The following FHIT variants were observed in gnomAD, a reference collection of about 807,000 sequenced individuals.
FHIT encodes fragile histidine triad diadenosine triphosphatase, also known as bis(5'-adenosyl)-triphosphatase.
In FHIT, 19 loss-of-function variants were observed where a neutral mutation model predicts 17.9. The observed-to-expected ratio is 1.06, with a 90% CI of 0.74 to 1.56. The LOEUF (loss-of-function observed/expected upper bound fraction) is 1.56, where lower values mean the gene tolerates loss of function less well. Ranked by LOEUF, FHIT falls within the 40% of genes most tolerant of loss-of-function variation. The pLI is 0.00. For synonymous variants in FHIT, 81 were observed against 69.7 expected, an observed-to-expected ratio of 1.16 and a Z score of -0.81; for missense variants, 248 against 189.2, an observed-to-expected ratio of 1.31 and a Z score of -1.82.
rs368651539 is a variant in FHIT, at chr3:60,404,683, C to A, written c.103+132177G>T. ...GTCTTTTGAATTCCCAGCCCTGCAACAGGGCTTGGTTTATAGGAACACTGA... is the reference window on the plus strand; with the variant it reads ...GTCTTTTGAATTCCCAGCCCTGCAAAAGGGCTTGGTTTATAGGAACACTGA... On this transcript the variant is annotated intron_variant, in intron 5 of 9. Transcript: ENST00000492590. Among the ~76,000 whole-genome samples, 45 of 152,264 alleles carry A rather than the reference C, an allele frequency of 3.0e-4. 1 individual carries two copies. The South Asian group carries it at 3.3e-3, about 11-fold the overall frequency.
intron 2 of FHIT, among the ~76,000 whole-genome samples, chr3:61,048,858 A>G (rs1028517857): frequency 1.3e-5 from 2 of 152,188 alleles, no homozygotes; most frequent in Non-Finnish European, 2.9e-5. Context: ...AATCATTTTC[A>G]GCAAACTATC....
intron 4 of FHIT, among the ~76,000 whole-genome samples, chr3:60,740,374 TA>T (rs1559685005): frequency 2.0e-5 from 3 of 152,176 alleles, no homozygotes; most frequent in Non-Finnish European, 4.4e-5. Flanking sequence ...GAAAAGGAGA[TA>T]ATCAATGTAC....
intron 8 of FHIT, among the ~76,000 whole-genome samples, chr3:59,784,231 A>G (rs945863831): frequency 3.3e-5 from 5 of 152,126 alleles, no homozygotes; most frequent in East Asian, 1.9e-4. Context: ...CCCTGCAGCC[A>G]TTCTTCTAGG....
At chr3:60,358,305 G>C (rs1365296205) in intron 5 of FHIT, among the ~76,000 whole-genome samples, 1 of 152,162 alleles carries the variant, frequency 6.6e-6, no homozygotes, top group African/African-American at 2.4e-5. Flanking sequence ...TGATACTAGA[G>C]ATGTATTTGG....
Position 60,684,404 on chromosome 3 carries a change from T to G in FHIT, c.-18+137515A>C, listed in dbSNP as rs567325824. Among the ~76,000 whole-genome samples the G allele has an allele frequency of 1.8e-4, 27 of 152,280 alleles. No homozygotes were observed. In the South Asian group the frequency reaches 4.6e-3, roughly 26 times the overall value. Reference sequence around the variant, plus strand: ...TACGTTTGCAGAGCCAATATTCAACTTGGCACACTCACCGAAGGCCACATA... The same window carrying G: ...TACGTTTGCAGAGCCAATATTCAACGTGGCACACTCACCGAAGGCCACATA... On this transcript the variant is annotated intron_variant, in intron 4 of 9. Transcript: ENST00000492590.
intron 3 of FHIT, among the ~76,000 whole-genome samples, chr3:60,826,294 TTTTTGTTTTGTTTTG>T (rs142138204): frequency 0.88 from 131,747 of 149,272 alleles, 58,761 homozygotes; most frequent in East Asian, 0.98. Context: ...GAGGTTAGTT[TTTTTGTTTTGTTTTG>T]TTTTGTTTTG....
intron 1 of FHIT, among the ~76,000 whole-genome samples, chr3:61,239,119 G>C (rs2040304475): frequency 6.6e-6 from 1 of 152,154 alleles, no homozygotes; most frequent in African/African-American, 2.4e-5. Context: ...GAAAAAAAAA[G>C]TCTAGAAGTA....
chr3:59,759,003 A>G (rs1701364923), intron 8 of FHIT, among the ~76,000 whole-genome samples: 1 of 152,090 alleles, frequency 6.6e-6, no homozygotes, highest in African/African-American at 2.4e-5. Context: ...AAAAAATGGT[A>G]TGGGGGATGG....
intron 3 of FHIT, among the ~76,000 whole-genome samples, chr3:60,951,737 T>G (rs1470238806): frequency 6.6e-6 from 1 of 152,184 alleles, no homozygotes; most frequent in Non-Finnish European, 1.5e-5. Context: ...GTGAGAGTAT[T>G]TAAGGAGAAT....
chr3:60,935,040 G>A (rs1170402154), intron 3 of FHIT, among the ~76,000 whole-genome samples: 2 of 152,026 alleles, frequency 1.3e-5, no homozygotes, highest in Non-Finnish European at 2.9e-5. Context: ...TAGTGAGAGA[G>A]GCACTTTAAA....
At chr3:60,411,367 C>T (rs1271530441) in intron 5 of FHIT, among the ~76,000 whole-genome samples, 1 of 152,054 alleles carries the variant, frequency 6.6e-6, no homozygotes, top group South Asian at 2.1e-4. Flanking sequence ...TTTATAACCT[C>T]CTCTTACTTG....
intron 3 of FHIT, among the ~76,000 whole-genome samples, chr3:60,863,513 T>C (rs1704016794): frequency 6.6e-6 from 1 of 152,130 alleles, no homozygotes; most frequent in South Asian, 2.1e-4. Context: ...TTTAAGAAAA[T>C]AGGTATTAAA....
At chr3:60,482,487 A>G (rs2033654328) in intron 5 of FHIT, among the ~76,000 whole-genome samples, 1 of 152,244 alleles carries the variant, frequency 6.6e-6, no homozygotes, top group South Asian at 2.1e-4. Flanking sequence ...CTCTAGGACC[A>G]CAGTGCAATC....
intron 5 of FHIT, among the ~76,000 whole-genome samples, chr3:60,076,726 T>C (rs1351359539): frequency 6.6e-6 from 1 of 152,026 alleles, no homozygotes; most frequent in Admixed American, 6.6e-5. Flanking sequence ...ACAATAATTA[T>C]TTTAAAATTA....
intron 7 of FHIT, among the ~76,000 whole-genome samples, chr3:59,938,496 G>GCAGGTAAAACTGTA (rs1337550972): frequency 1.3e-5 from 2 of 152,110 alleles, no homozygotes; most frequent in African/African-American, 4.8e-5. Flanking sequence ...CATGAAGACT[G>GCAGGTAAAACTGTA]CAGGTAAAAC....
chr3:60,103,382 C>G (rs1224897091), intron 5 of FHIT, among the ~76,000 whole-genome samples: 1 of 152,134 alleles, frequency 6.6e-6, no homozygotes, highest in Non-Finnish European at 1.5e-5. Flanking sequence ...GGAATCTTCA[C>G]AAGACAGTGA....
At chr3:59,884,261 A>C (rs1291390545) in intron 8 of FHIT, among the ~76,000 whole-genome samples, 7 of 152,328 alleles carry the variant, frequency 4.6e-5, no homozygotes. Context: ...ATATTTTATG[A>C]TTACTCACAA....
chr3:60,048,669 G>A (rs1468906458), intron 5 of FHIT, among the ~76,000 whole-genome samples: 1 of 152,050 alleles, frequency 6.6e-6, no homozygotes, highest in Non-Finnish European at 1.5e-5. Flanking sequence ...AATTGTATAG[G>A]GCCTTATTTT....
At chr3:60,607,464 T>C (rs1270052923) in intron 4 of FHIT, among the ~76,000 whole-genome samples, 2 of 151,660 alleles carry the variant, frequency 1.3e-5, no homozygotes, top group Admixed American at 1.3e-4. Flanking sequence ...TAATTAAAAG[T>C]ATATTATCTT....
Sources: allele counts gnomAD v4.1 joint callset (sites outside exome capture counted in the v4.1 genomes callset), GRCh38; gene constraint gnomAD v4.1.1; transcripts MANE v1.5; gene names NCBI Gene and HGNC (gene_info 2026-07-23, HGNC 2026-07-21).